Variants in LAMA3 observed in about 807,000 individuals in gnomAD.
LAMA3 encodes the protein laminin subunit alpha 3.
LAMA3 carries 281 observed loss-of-function variants against 402.0 expected under a neutral mutation model. The observed-to-expected ratio is 0.70, with a 90% CI of 0.63 to 0.77. The LOEUF (loss-of-function observed/expected upper bound fraction) is 0.77, where lower values mean the gene tolerates loss of function less well. Ranked by LOEUF, LAMA3 falls within the 30% of genes least tolerant of loss-of-function variation. The pLI, the probability that LAMA3 is intolerant of heterozygous loss-of-function variation, is 0.00. For synonymous variants in LAMA3, 1,431 were observed against 1,558.4 expected (o/e 0.92, Z 1.93); for missense variants, 3,840 against 4,215.5 (o/e 0.91, Z 2.47).
chr18:23,943,824 C>T lies in LAMA3; in HGVS notation c.9063C>T (p.Ser3021=). 6.2e-7 allele frequency: 1 copy of T among 1,613,978 alleles called. No individual in the cohort carries two copies. Among genetic ancestry groups the T allele is most frequent in the Non-Finnish European group, 8.5e-7 (1 of 1,179,870 alleles). The change falls in exon 69 of 75, where the codon TCC becomes TCT. Residue 3021 remains serine (S), a synonymous_variant. Coordinates refer to ENST00000313654, the MANE Select transcript of LAMA3 (RefSeq NM_198129.4). ...CTGTGGACATGCAGACAACATCCTC[C>T]AGAGGACTGGTGTTTCACACGGGCA... The part of the protein sequence containing the change: ...QFAVDMQTTS[S]RGLVFHTGTK...
At chr18:23,710,302 G>T in intron 1 of LAMA3, 1 of 489,572 alleles carries the variant, frequency 2.0e-6, no homozygotes, top group Non-Finnish European at 3.7e-6. Context: ...TGAAAAGACC[G>T]CAAGTTTGAT....
At chr18:23,761,213 C>G (rs1161956758) in intron 7 of LAMA3, among the ~76,000 whole-genome samples, 1 of 152,040 alleles carries the variant, frequency 6.6e-6, no homozygotes, top group African/African-American at 2.4e-5. Context: ...GAGTTTTGTT[C>G]CAAGTGTTTG....
intron 38 of LAMA3, among the ~76,000 whole-genome samples, chr18:23,871,928 A>AC (rs2064536349): frequency 6.6e-6 from 1 of 152,248 alleles, no homozygotes; most frequent in African/African-American, 2.4e-5. Flanking sequence ...AAAATAATGT[A>AC]CTATAGTTTC....
At position 23,839,976 on chromosome 18, in the gene LAMA3, A is replaced by AAGC. The variant is rs2063662769; in HGVS notation, c.3336+55_3336+57dup. The AAGC allele has an allele frequency of 6.3e-7, 1 of 1,593,298 alleles. No individual in the cohort carries two copies. The highest frequency in any genetic ancestry group is 1.7e-5 in the Admixed American group (1 of 59,934). On this transcript the variant is annotated intron_variant, in intron 27 of 74. Coordinates refer to ENST00000313654, the MANE Select transcript of LAMA3 (RefSeq NM_198129.4). The surrounding 1 kb of genome is among the most constrained non-coding windows in gnomAD (Gnocchi z 4.5). ...AGTGGTTCTCAAAGTATGACCTCTGAAGCAGCAGCATCCACATCACTTGGA... is the reference window on the plus strand; with the variant it reads ...AGTGGTTCTCAAAGTATGACCTCTGAAGCAGCAGCAGCATCCACATCACTTGGA...
chr18:23,812,160 A>T (rs146528201), intron 13 of LAMA3, among the ~76,000 whole-genome samples: 2,390 of 152,280 alleles, frequency 0.016, 62 homozygotes, highest in African/African-American at 0.055. Context: ...GGCGTGAGCC[A>T]CCACTCCCAG....
rs202090081 is a variant in LAMA3 at position 23,764,238 on chromosome 18, C to T, written c.1182+715C>T. On this transcript the variant is annotated intron_variant, in intron 8 of 74. Transcript: ENST00000313654. Reference sequence around the variant, plus strand: ...GAGAGCCACCATTCTTCATTTGTCTCCCCCCTCCATACTTTTATATTATCT... The same window carrying T: ...GAGAGCCACCATTCTTCATTTGTCTTCCCCCTCCATACTTTTATATTATCT... Among the ~76,000 whole-genome samples the T allele has an allele frequency of 3.9e-5, 6 of 152,112 alleles. No individual in the cohort carries two copies. The East Asian group carries it at 1.2e-3, about 29-fold the overall frequency.
At chr18:23,897,375 TGGA>T (rs1325038022) in intron 44 of LAMA3, among the ~76,000 whole-genome samples, 5 of 152,134 alleles carry the variant, frequency 3.3e-5, no homozygotes, top group Admixed American at 6.5e-5. Flanking sequence ...AGGCTTAATA[TGGA>T]GAAGAGGAGG....
chr18:23,789,377 A>G (rs1256395828), intron 12 of LAMA3, among the ~76,000 whole-genome samples: 2 of 152,226 alleles, frequency 1.3e-5, no homozygotes, highest in African/African-American at 4.8e-5. Flanking sequence ...ATGAATGTCC[A>G]TAACAGCATT....
At chr18:23,782,468 G>A (rs183989400) in intron 11 of LAMA3, among the ~76,000 whole-genome samples, 14 of 152,230 alleles carry the variant, frequency 9.2e-5, no homozygotes, top group Admixed American at 2.6e-4. Context: ...CATGATAATC[G>A]CTTGAACCCA....
In LAMA3 at chr18:23,839,961, A is replaced by G; in HGVS notation, c.3336+32A>G. Reference sequence around the variant, plus strand: ...TGCTGTTTCTAAACCAGTGGTTCTCAAAGTATGACCTCTGAAGCAGCAGCA... The same window carrying G: ...TGCTGTTTCTAAACCAGTGGTTCTCGAAGTATGACCTCTGAAGCAGCAGCA... On this transcript the variant is annotated intron_variant, in intron 27 of 74. Coordinates refer to ENST00000313654, the MANE Select transcript of LAMA3 (RefSeq NM_198129.4). This position sits in a 1 kb window ranked among gnomAD's most constrained non-coding sequence, Gnocchi z 4.5. The G allele has an allele frequency of 6.2e-7, 1 of 1,611,738 alleles. No homozygotes were observed. Among genetic ancestry groups the G allele is most frequent in the Non-Finnish European group, 8.5e-7 (1 of 1,177,862 alleles).
intron 39 of LAMA3, among the ~76,000 whole-genome samples, chr18:23,877,358 CT>C (rs1426427725): frequency 6.6e-6 from 1 of 152,092 alleles, no homozygotes; most frequent in East Asian, 1.9e-4. Flanking sequence ...GAAGCAGAAC[CT>C]TTTTTATTCT....
chr18:23,788,978 C>T (rs934936706), intron 12 of LAMA3, among the ~76,000 whole-genome samples: 4 of 151,436 alleles, frequency 2.6e-5, no homozygotes, highest in African/African-American at 9.7e-5. Flanking sequence ...CAACTCAATA[C>T]TTAAAAATTA....
At chr18:23,862,257 G>T (rs1268154919) in intron 35 of LAMA3, among the ~76,000 whole-genome samples, 2 of 152,216 alleles carry the variant, frequency 1.3e-5, no homozygotes, top group Non-Finnish European at 2.9e-5. Context: ...TCTGGTGGCA[G>T]TTCGACTTTC....
intron 37 of LAMA3, among the ~76,000 whole-genome samples, chr18:23,869,260 G>A (rs1448466869): frequency 6.6e-6 from 1 of 152,224 alleles, no homozygotes; most frequent in Non-Finnish European, 1.5e-5. Flanking sequence ...TAACATACCA[G>A]AGAAGAGGAG....
chr18:23,762,538 G>A (rs1199158215), intron 7 of LAMA3, among the ~76,000 whole-genome samples: 1 of 151,328 alleles, frequency 6.6e-6, no homozygotes. Flanking sequence ...GCAGTGAGTC[G>A]AGATCGTGCC....
chr18:23,762,726 C>T (rs372505041), intron 7 of LAMA3, among the ~76,000 whole-genome samples: 7 of 151,338 alleles, frequency 4.6e-5, no homozygotes, highest in Non-Finnish European at 5.9e-5. Context: ...GGAGTGGGGG[C>T]GGTGGCAGGG....
chr18:23,781,550 A>T (rs1340902093), intron 11 of LAMA3, among the ~76,000 whole-genome samples: 3 of 152,254 alleles, frequency 2.0e-5, no homozygotes, highest in Non-Finnish European at 4.4e-5. Context: ...TATGTATTGT[A>T]CATGTTTACA....
Position 23,690,025 on chromosome 18 carries a change from C to A in LAMA3, c.294+48C>A, listed in dbSNP as rs772821969. ...GGGTGGGCGCGCCTTTTCCTTCCCG[C>A]GCCGGCCAGACACCCGGAGAAGGGA... On this transcript the variant is annotated intron_variant, in intron 1 of 74. Coordinates refer to ENST00000313654, the MANE Select transcript of LAMA3 (RefSeq NM_198129.4). 3 of 1,328,980 alleles carry A rather than the reference C, an allele frequency of 2.3e-6. No individual in the cohort carries two copies. The African/African-American group carries it at 4.6e-5, about 20-fold the overall frequency. The allele number at this position is 1,328,980 out of a possible 1,614,324, so 82.3% of individuals were successfully genotyped here.
intron 23 of LAMA3, among the ~76,000 whole-genome samples, chr18:23,833,585 C>T (rs759008653): frequency 6.6e-6 from 1 of 152,198 alleles, no homozygotes; most frequent in Non-Finnish European, 1.5e-5. Flanking sequence ...ATACGGGATG[C>T]CCCATTAAAT....
Sources: gnomAD v4.1 joint callset for allele counts (sites outside exome capture counted in the v4.1 genomes callset) on GRCh38, gnomAD v4.1.1 for gene constraint, Gnocchi (gnomAD v3.1) non-coding constraint, MANE v1.5 for transcripts, NCBI Gene and HGNC (gene_info 2026-07-23, HGNC 2026-07-21) for gene names.